SNAPC1: variants seen among roughly 807,000 people sequenced by gnomAD.
SNAPC1 encodes the protein small nuclear RNA activating complex polypeptide 1.
Under a neutral mutation model 50.1 loss-of-function variants are expected in SNAPC1, and 42 were observed. That is an observed-to-expected ratio of 0.84 (90% CI 0.65 to 1.08). SNAPC1 has a LOEUF of 1.08. SNAPC1 is among the 50% of genes least tolerant of loss of function. The probability of loss-of-function intolerance (pLI) is 0.00; values close to 1 mark genes in which losing one functional copy is unlikely to be tolerated. For missense variants in SNAPC1, 477 were observed against 427.3 expected (o/e 1.12, Z -1.02); for synonymous variants, 164 against 144.2 (o/e 1.14, Z -0.98).
intron 4 of SNAPC1, 26 bp from the exon 5 acceptor site, chr14:61,776,069 T>G: frequency 6.4e-7 from 1 of 1,554,300 alleles, no homozygotes. Context: ...AGTGAAGAAA[T>G]AAAGGACTCA....
In SNAPC1 at chr14:61,775,978, C is replaced by T. The variant is rs1037089483; in HGVS notation, c.535-117C>T. The stretch of plus-strand genomic sequence containing the variant: ...TTATGTTATTTTTAATATACTATAG[C>T]ATGTTATTACCTATCAACTGGAAGT... On this transcript the variant is annotated intron_variant, in intron 4 of 9. Transcript: ENST00000216294. 3.5e-5 allele frequency: 23 copies of T among 657,648 alleles called. No individual in the cohort carries two copies. In the East Asian group the frequency reaches 6.3e-4, roughly 18 times the overall value. 40.7% of individuals were successfully genotyped at this position (657,648 alleles called of 1,614,324 possible).
rs146824544 is a variant in SNAPC1 at position 61,762,815 on chromosome 14, T to C, written c.128+227T>C. On this transcript the variant is annotated intron_variant, in intron 1 of 9. Transcript: ENST00000216294. ...CGGCCTCCTCCCAAATATGCGTCTC[T>C]GCCTGGCCTCCCTTCTAAACTCCTC... Among the ~76,000 whole-genome samples the C allele has an allele frequency of 3.4e-3, 513 of 152,054 alleles. 3 individuals are homozygous for C. Among genetic ancestry groups the C allele is most frequent in the African/African-American group, 0.011 (472 of 41,498 alleles).
At position 61,782,249 on chromosome 14, in the gene SNAPC1, A is replaced by G. The variant is rs1594649305; in HGVS notation, c.828A>G (p.Ala276=). 2 of 1,589,402 alleles carry G rather than the reference A, an allele frequency of 1.3e-6. No individual in the cohort carries two copies. The highest frequency in any genetic ancestry group is 1.7e-6 in the Non-Finnish European group (2 of 1,171,908). The change falls in exon 8 of 10, where the codon GCA becomes GCG. Residue 276 remains alanine, a splice_region_variant and synonymous_variant. Transcript: ENST00000216294. ...TTAATTGGATTGTAACTCTTAAGGCATCCAAATCAAGAAGGCATCGTCAAG... is the reference window on the plus strand; with the variant it reads ...TTAATTGGATTGTAACTCTTAAGGCGTCCAAATCAAGAAGGCATCGTCAAG... ...KSKAFSVVIQ[A]SKSRRHRQVK... is the part of the protein sequence containing the mutation.
intron 7 of SNAPC1, 114 bp from the exon 8 acceptor site, chr14:61,782,133 C>G (rs2045079498): frequency 2.5e-6 from 2 of 810,336 alleles, no homozygotes; most frequent in Non-Finnish European, 3.8e-6. Flanking sequence ...TACTTTATGA[C>G]AGATATTTCT....
At chr14:61,775,805 T>G (rs6573401) in intron 4 of SNAPC1, among the ~76,000 whole-genome samples, 53,924 of 152,062 alleles carry the variant, frequency 0.35, 10,117 homozygotes, top group African/African-American at 0.47. Flanking sequence ...GAATGGAATT[T>G]TATGTTAACT....
chr14:61,776,115 T>G lies in SNAPC1; in HGVS notation c.555T>G (p.Asp185Glu), dbSNP rs374396503. The stretch of plus-strand genomic sequence containing the variant: ...TTTAGGAAATGCTGAATGTTCATGA[T>G]CATTATCAGAACATGAAACATGTAA... ...DVLEEMLNVH[D>E]HYQNMKHVIS... Residue 185 changes from aspartate to glutamate, a missense_variant, in exon 5 of 10, where the codon GAT becomes GAG. Physicochemically the swap from Asp to Glu is conservative, Grantham distance 45 (BLOSUM62 2). Transcript: ENST00000216294. 1.3e-6 allele frequency: 2 copies of G among 1,598,674 alleles called. No homozygotes were observed. Among genetic ancestry groups the G allele is most frequent in the Non-Finnish European group, 1.7e-6 (2 of 1,176,710 alleles).
chr14:61,781,450 CAAAAA>C (rs769588943), intron 7 of SNAPC1, among the ~76,000 whole-genome samples: 1 of 63,602 alleles, frequency 1.6e-5, no homozygotes. Flanking sequence ...ACTCCATCTC[CAAAAA>C]AAAAAAAAAA....
intron 1 of SNAPC1, among the ~76,000 whole-genome samples, chr14:61,766,397 A>T (rs1279867633): frequency 6.6e-6 from 1 of 152,182 alleles, no homozygotes; most frequent in Admixed American, 6.5e-5. Flanking sequence ...GTTATAAATG[A>T]CCCTGTCTCC....
Position 61,778,057 on chromosome 14 carries a change from T to G in SNAPC1, c.694-15T>G. ...TATGTGTGTATGTGTGTATGTATCT[T>G]TTTTGCTCTTTTAGAATCCATCCTT... On this transcript the variant is annotated splice_polypyrimidine_tract_variant and intron_variant, in intron 5 of 9. Coordinates refer to ENST00000216294, the MANE Select transcript of SNAPC1 (RefSeq NM_003082.4). 1 of 1,460,842 alleles carries G rather than the reference T, an allele frequency of 6.8e-7. No homozygotes were observed. The highest frequency in any genetic ancestry group is 1.2e-5 in the South Asian group (1 of 83,122). 90.5% of individuals were successfully genotyped at this position (1,460,842 alleles called of 1,614,324 possible).
intron 4 of SNAPC1, among the ~76,000 whole-genome samples, chr14:61,770,234 C>CTTTTTTT (rs72091048): frequency 2.9e-4 from 39 of 133,962 alleles, no homozygotes; most frequent in Admixed American, 3.0e-4. Flanking sequence ...CCCCCATGTT[C>CTTTTTTT]TTTTTTTTTT....
At chr14:61,776,281 C>T in intron 5 of SNAPC1, 28 bp downstream of exon 5, 1 of 1,587,586 alleles carries the variant, frequency 6.3e-7, no homozygotes, top group Non-Finnish European at 8.6e-7. Flanking sequence ...TGGTGCCTCA[C>T]CATTGTATTT....
intron 8 of SNAPC1, among the ~76,000 whole-genome samples, chr14:61,790,526 GA>G (rs1293633460): frequency 4.6e-5 from 7 of 152,070 alleles, no homozygotes; most frequent in Admixed American, 3.9e-4. Context: ...AGTAGAGACG[GA>G]GTCTTAACCA....
At chr14:61,785,819 T>A (rs959632626) in intron 8 of SNAPC1, among the ~76,000 whole-genome samples, 2 of 152,104 alleles carry the variant, frequency 1.3e-5, no homozygotes, top group African/African-American at 4.8e-5. Flanking sequence ...ACATAAGCAA[T>A]AGGGGAGAGG....
chr14:61,771,739 G>C (rs531111064), intron 4 of SNAPC1, among the ~76,000 whole-genome samples: 1 of 152,148 alleles, frequency 6.6e-6, no homozygotes, highest in East Asian at 1.9e-4. Flanking sequence ...GTGTGTCTGC[G>C]ATTGAGAGTC....
At chr14:61,792,942 C>A in intron 9 of SNAPC1, 40 bp downstream of exon 9, 1 of 989,122 alleles carries the variant, frequency 1.0e-6, no homozygotes, top group Non-Finnish European at 1.6e-6. Flanking sequence ...AGTAAACTAA[C>A]TTATACTCGT....
In SNAPC1 at chr14:61,772,922, CG is replaced by C. The variant is rs148009221; in HGVS notation, c.535-3171del. ...GTCTGTGAAGTTATCCTGGCTCTGT[CG>C]GATCTCTGGCTTGTGACATAATTGC... On this transcript the variant is annotated intron_variant, in intron 4 of 9. Coordinates refer to ENST00000216294, the MANE Select transcript of SNAPC1 (RefSeq NM_003082.4). 8.4e-3 allele frequency among the ~76,000 whole-genome samples: 1,275 copies of C among 152,296 alleles called. 18 individuals are homozygous for C. Among genetic ancestry groups the C allele is most frequent in the African/African-American group, 0.029 (1,200 of 41,554 alleles).
intron 1 of SNAPC1, among the ~76,000 whole-genome samples, chr14:61,765,345 C>T (rs920916436): frequency 1.3e-5 from 2 of 152,162 alleles, no homozygotes; most frequent in South Asian, 2.1e-4. Context: ...AGGTTGAGGA[C>T]GCACCCGTGA....
At chr14:61,792,113 A>G (rs2045156315) in intron 8 of SNAPC1, among the ~76,000 whole-genome samples, 1 of 151,860 alleles carries the variant, frequency 6.6e-6, no homozygotes, top group Non-Finnish European at 1.5e-5. Flanking sequence ...AAAAGAAAAA[A>G]AAAAAAAAGC....
At chr14:61,791,575 C>T (rs560194617) in intron 8 of SNAPC1, among the ~76,000 whole-genome samples, 10 of 152,202 alleles carry the variant, frequency 6.6e-5, no homozygotes, top group African/African-American at 2.4e-4. Context: ...AGGCCGGGCA[C>T]GGTGGCTCAC....
Sources: allele counts gnomAD v4.1 joint callset (sites outside exome capture counted in the v4.1 genomes callset), GRCh38; gene constraint gnomAD v4.1.1; transcripts MANE v1.5; gene names NCBI Gene and HGNC (gene_info 2026-07-23, HGNC 2026-07-21).